NCAM1: variants seen among roughly 807,000 people sequenced by gnomAD.
NCAM1 encodes antigen recognized by monoclonal antibody 5.1H11.
In NCAM1, 14 loss-of-function variants were observed where a neutral mutation model predicts 109.8. That is an observed-to-expected ratio of 0.13 (90% confidence interval 0.08 to 0.20). The LOEUF (loss-of-function observed/expected upper bound fraction) is 0.20, where lower values mean the gene tolerates loss of function less well. Among genes scored for constraint, NCAM1 ranks in the 10% least tolerant of loss-of-function variants. The pLI is 1.00. For synonymous variants in NCAM1, 418 were observed against 442.9 expected, an observed-to-expected ratio of 0.94 and a Z score of 0.70; for missense variants, 774 against 1,109.9, an observed-to-expected ratio of 0.70 and a Z score of 4.30.
intron 1 of NCAM1, among the ~76,000 whole-genome samples, chr11:113,074,167 A>G (rs193140685): frequency 2.5e-4 from 38 of 152,308 alleles, no homozygotes; most frequent in Middle Eastern, 3.4e-3. Flanking sequence ...TGAGCTTCGC[A>G]GTATAAAGTC....
At chr11:113,185,906 A>C (rs932567220) in intron 1 of NCAM1, among the ~76,000 whole-genome samples, 1 of 152,142 alleles carries the variant, frequency 6.6e-6, no homozygotes, top group African/African-American at 2.4e-5. Flanking sequence ...GTAGCAAGGA[A>C]ATCTATTTTT....
At chr11:113,041,770 G>C in intron 1 of NCAM1, among the ~76,000 whole-genome samples, 1 of 152,044 alleles carries the variant, frequency 6.6e-6, no homozygotes, top group East Asian at 1.9e-4. Flanking sequence ...GGTCTGACTG[G>C]TTCCACTGCT....
chr11:113,145,067 T>G (rs561478983), intron 1 of NCAM1, among the ~76,000 whole-genome samples: 10 of 152,338 alleles, frequency 6.6e-5, no homozygotes, highest in African/African-American at 2.2e-4. Flanking sequence ...TAGCTTAATA[T>G]GGAAAATAAG....
intron 1 of NCAM1, among the ~76,000 whole-genome samples, chr11:113,100,085 T>G (rs2135851379): frequency 6.6e-6 from 1 of 152,292 alleles, no homozygotes; most frequent in South Asian, 2.1e-4. Flanking sequence ...ACCCTAAATT[T>G]TGCCTATTGT....
intron 1 of NCAM1, among the ~76,000 whole-genome samples, chr11:113,187,640 A>G (rs1213733050): frequency 6.6e-6 from 1 of 151,946 alleles, no homozygotes; most frequent in East Asian, 1.9e-4. Flanking sequence ...AAACTTGCTT[A>G]AATGGACTCA....
At chr11:113,182,612 G>A (rs1209057046) in intron 1 of NCAM1, among the ~76,000 whole-genome samples, 1 of 152,340 alleles carries the variant, frequency 6.6e-6, no homozygotes, top group East Asian at 1.9e-4. Flanking sequence ...AAAGCTGGGA[G>A]TAGCTGGTTC....
At chr11:113,221,027 A>T (rs188062940) in intron 8 of NCAM1, among the ~76,000 whole-genome samples, 83 of 152,330 alleles carry the variant, frequency 5.4e-4, no homozygotes, top group Admixed American at 1.7e-3. Context: ...TCCTACTGGT[A>T]TTCATATCTA....
chr11:113,075,229 G>A (rs1308735620), intron 1 of NCAM1, among the ~76,000 whole-genome samples: 2 of 151,892 alleles, frequency 1.3e-5, no homozygotes, highest in African/African-American at 4.8e-5. Flanking sequence ...ACCACACTCG[G>A]CAAATTTTTT....
chr11:113,268,333 A>C (rs1441398552), intron 17 of NCAM1, among the ~76,000 whole-genome samples: 1 of 152,210 alleles, frequency 6.6e-6, no homozygotes, highest in East Asian at 1.9e-4. Context: ...AAGCCCAGAG[A>C]CAGGTGTCCA....
At chr11:113,203,398 G>A (rs1450978458) in intron 2 of NCAM1, among the ~76,000 whole-genome samples, 14 of 152,224 alleles carry the variant, frequency 9.2e-5, no homozygotes, top group African/African-American at 3.4e-4. Context: ...GGCCCTGAAA[G>A]GAAGACTGCT....
chr11:112,973,476 C>G (rs1555067175), intron 1 of NCAM1, among the ~76,000 whole-genome samples: 1 of 152,072 alleles, frequency 6.6e-6, no homozygotes, highest in Non-Finnish European at 1.5e-5. Context: ...TTTAGTATCT[C>G]CTTTTGGTGT....
At chr11:113,043,899 T>A (rs1418139956) in intron 1 of NCAM1, among the ~76,000 whole-genome samples, 1 of 151,910 alleles carries the variant, frequency 6.6e-6, no homozygotes, top group Non-Finnish European at 1.5e-5. Context: ...GCTCTGCAAG[T>A]GTTTGTTGGA....
At chr11:113,217,789 T>C (rs1395077825) in intron 8 of NCAM1, among the ~76,000 whole-genome samples, 3 of 152,240 alleles carry the variant, frequency 2.0e-5, no homozygotes, top group African/African-American at 7.2e-5. Context: ...TTGTTGCAGC[T>C]CAGTGCTTCT....
At chr11:113,205,317 A>G (rs1317734845) in intron 3 of NCAM1, among the ~76,000 whole-genome samples, 2 of 152,160 alleles carry the variant, frequency 1.3e-5, no homozygotes, top group Non-Finnish European at 2.9e-5. Flanking sequence ...TTAGCACTCA[A>G]TGAGCAGATA....
chr11:113,249,061 T>C (rs1216494809), intron 15 of NCAM1, among the ~76,000 whole-genome samples: 1 of 152,186 alleles, frequency 6.6e-6, no homozygotes, highest in Non-Finnish European at 1.5e-5. Flanking sequence ...CCTCTGTCCA[T>C]GTGCTGCATG....
intron 1 of NCAM1, among the ~76,000 whole-genome samples, chr11:112,980,842 G>A (rs1329382244): frequency 1.3e-5 from 2 of 151,762 alleles, no homozygotes; most frequent in Non-Finnish European, 2.9e-5. Flanking sequence ...ATCTTCATGA[G>A]AATAGCTAAA....
chr11:113,195,203 C>T (rs1392401840), intron 1 of NCAM1, among the ~76,000 whole-genome samples: 1 of 152,148 alleles, frequency 6.6e-6, no homozygotes, highest in Non-Finnish European at 1.5e-5. Context: ...TTTTCTTCTT[C>T]CACCCAGTTA....
intron 1 of NCAM1, among the ~76,000 whole-genome samples, chr11:112,981,959 C>A (rs1951165922): frequency 6.6e-6 from 1 of 151,798 alleles, no homozygotes; most frequent in Admixed American, 6.6e-5. Context: ...AGTAAACAAT[C>A]AAGTTTTGAT....
chr11:113,148,218 C>T (rs1379275857), intron 1 of NCAM1, among the ~76,000 whole-genome samples: 1 of 152,154 alleles, frequency 6.6e-6, no homozygotes, highest in African/African-American at 2.4e-5. Flanking sequence ...TGGCTCCCAG[C>T]AGCCGCTTCC....
Sources: allele counts gnomAD v4.1 joint callset (sites outside exome capture counted in the v4.1 genomes callset), GRCh38; gene constraint gnomAD v4.1.1; transcripts MANE v1.5; gene names NCBI Gene and HGNC (gene_info 2026-07-23, HGNC 2026-07-21).